The following SLC45A4 variants were observed in gnomAD, a reference collection of about 807,000 sequenced individuals.
SLC45A4 encodes polyamine-transporter SLC45A4.
In SLC45A4, 32 loss-of-function variants were observed where a neutral mutation model predicts 63.7. That is an observed-to-expected ratio of 0.50 (90% CI 0.38 to 0.67). The LOEUF is 0.67. Ranked by LOEUF, SLC45A4 falls within the 30% of genes least tolerant of loss-of-function variation. SLC45A4 has a pLI of 0.00. For synonymous variants in SLC45A4, 535 were observed against 510.0 expected (o/e 1.05, Z -0.66); for missense variants, 1,027 against 1,157.7 (o/e 0.89, Z 1.64).
chr8:141,229,954 C>A lies in SLC45A4; in HGVS notation c.242-8189G>T, dbSNP rs545484906. ...CAGCTCAGCGCTGGACACTAGATCC[C>A]TGCCTGCACTCCCGAGGCCGTGGTG... is the stretch of plus-strand genomic sequence containing the variant. On this transcript the variant is annotated intron_variant, in intron 2 of 8. Coordinates refer to ENST00000517878, the MANE Select transcript of SLC45A4 (RefSeq NM_001286646.2). The surrounding 1 kb of genome is among the most constrained non-coding windows in gnomAD (Gnocchi z 5.0). 55 of 423,528 alleles carry A rather than the reference C, an allele frequency of 1.3e-4. 1 individual carries two copies. Among genetic ancestry groups the A allele is most frequent in the South Asian group, 8.0e-4 (47 of 58,756 alleles). 26.2% of individuals were successfully genotyped at this position (423,528 alleles called of 1,614,324 possible).
At chr8:141,246,765 T>G (rs1043448763) in intron 2 of SLC45A4, among the ~76,000 whole-genome samples, 1 of 151,368 alleles carries the variant, frequency 6.6e-6, no homozygotes, top group East Asian at 1.9e-4. Flanking sequence ...TAATAAATGA[T>G]TTTATTAGGA....
At position 141,215,623 on chromosome 8, in the gene SLC45A4, C is replaced by T; in HGVS notation, c.1941+136G>A. Reference sequence around the variant, plus strand: ...GTGGCTCTGTGGGCTTTGGAAGGGGCCATCTCAGAACCGGAGAGGAAGGAG... The same window carrying T: ...GTGGCTCTGTGGGCTTTGGAAGGGGTCATCTCAGAACCGGAGAGGAAGGAG... On this transcript the variant is annotated intron_variant, in intron 7 of 8. Transcript: ENST00000517878. The surrounding 1 kb of genome is among the most constrained non-coding windows in gnomAD (Gnocchi z 4.3). 4 of 856,924 alleles carry T rather than the reference C, an allele frequency of 4.7e-6. No individual in the cohort carries two copies. The highest frequency in any genetic ancestry group is 1.6e-5 in the South Asian group (1 of 62,004). The allele number at this position is 856,924 out of a possible 1,614,324, so 53.1% of individuals were successfully genotyped here. A position where few individuals can be genotyped will look rare whatever the true frequency, so the allele number is the denominator to read the frequency against.
At chr8:141,276,369 C>A (rs563156374) in intron 1 of SLC45A4, among the ~76,000 whole-genome samples, 1 of 152,150 alleles carries the variant, frequency 6.6e-6, no homozygotes, top group Non-Finnish European at 1.5e-5. Context: ...CAGAGGTTTG[C>A]GATGCGAGCA....
intron 2 of SLC45A4, chr8:141,253,332 C>A (rs943858964): frequency 1.1e-5 from 2 of 175,154 alleles, no homozygotes. Flanking sequence ...CCCACCTGTG[C>A]GTCTGTGATT....
intron 1 of SLC45A4, among the ~76,000 whole-genome samples, chr8:141,283,790 C>A (rs576345459): frequency 6.6e-6 from 1 of 152,298 alleles, no homozygotes; most frequent in South Asian, 2.1e-4. Flanking sequence ...CCAGCTCCAC[C>A]CTGCTCCCTA....
Position 141,218,506 on chromosome 8 carries a change from C to A in SLC45A4, c.1134G>T (p.Leu378Phe). Residue 378 changes from leucine (L) to phenylalanine (F), a missense_variant, in exon 5 of 9, where the codon TTG becomes TTT. Coordinates refer to ENST00000517878, the MANE Select transcript of SLC45A4 (RefSeq NM_001286646.2). Reference sequence around the variant, plus strand: ...TTCCGTTTGGGACTTTAGCTTCATTCAAGTGATTATCCAGCAAGGTCTCGT... The same window carrying A: ...TTCCGTTTGGGACTTTAGCTTCATTAAAGTGATTATCCAGCAAGGTCTCGT... ...KEDETLLDNH[L>F]NEAKVPNGSG... 1 of 1,613,494 alleles carries A rather than the reference C, an allele frequency of 6.2e-7. No homozygotes were observed. The highest frequency in any genetic ancestry group is 8.5e-7 in the Non-Finnish European group (1 of 1,179,956).
chr8:141,296,055 G>C (rs1807666312), intron 1 of SLC45A4, among the ~76,000 whole-genome samples: 1 of 152,182 alleles, frequency 6.6e-6, no homozygotes, highest in African/African-American at 2.4e-5. Flanking sequence ...AAATTAGCAG[G>C]GCACAGTGGC....
At position 141,254,729 on chromosome 8, in the gene SLC45A4, G is replaced by T; in HGVS notation, c.-400-100C>A. On this transcript the variant is annotated intron_variant, in intron 1 of 8. Transcript: ENST00000517878. The surrounding 1 kb of genome is among the most constrained non-coding windows in gnomAD (Gnocchi z 4.5). ...CCCCCGAGCAAGCCGTGTGCCCCGA[G>T]GGCCCGACCCAAGATCACACAGCTC... 1.5e-6 allele frequency: 1 copy of T among 685,612 alleles called. No homozygotes were observed. The highest frequency in any genetic ancestry group is 2.0e-5 in the Admixed American group (1 of 49,342). The allele number at this position is 685,612 out of a possible 1,614,324, so 42.5% of individuals were successfully genotyped here.
chr8:141,217,885 G>T, intron 5 of SLC45A4, 126 bp downstream of exon 5: 1 of 1,194,192 alleles, frequency 8.4e-7, no homozygotes, highest in Non-Finnish European at 1.1e-6. Context: ...CTGCACGGGA[G>T]GCACTGTGTG....
chr8:141,282,797 G>A (rs1589849474), intron 1 of SLC45A4, among the ~76,000 whole-genome samples: 1 of 152,284 alleles, frequency 6.6e-6, no homozygotes, highest in South Asian at 2.1e-4. Context: ...GCAGCTGCAA[G>A]TCCGTGGGCC....
At chr8:141,303,302 T>TTG (rs1378070103) in intron 1 of SLC45A4, among the ~76,000 whole-genome samples, 4 of 133,364 alleles carry the variant, frequency 3.0e-5, no homozygotes, top group African/African-American at 1.1e-4. Context: ...CGGCTAATTT[T>TTG]TGTTTTTTTT....
At chr8:141,273,366 G>C (rs542689088) in intron 1 of SLC45A4, among the ~76,000 whole-genome samples, 2 of 152,168 alleles carry the variant, frequency 1.3e-5, no homozygotes, top group Non-Finnish European at 2.9e-5. Context: ...TCTAGCCTGC[G>C]CATCCCCTGA....
At chr8:141,212,141 C>CCCCCCCCGGGG in intron 8 of SLC45A4, 56 bp downstream of exon 8, 2 of 1,109,168 alleles carry the variant, frequency 1.8e-6, no homozygotes, top group Non-Finnish European at 2.2e-6. Context: ...CCCCGCCGCC[C>CCCCCCCCGGGG]GCCCGCCCGC....
chr8:141,305,436 C>T (rs1342905540), intron 1 of SLC45A4, among the ~76,000 whole-genome samples: 4 of 152,214 alleles, frequency 2.6e-5, no homozygotes, highest in Admixed American at 1.3e-4. Context: ...AGTGCGCCTT[C>T]GTCAGCATAA....
At chr8:141,225,932 G>C (rs1826958983) in intron 2 of SLC45A4, 1 of 153,398 alleles carries the variant, frequency 6.5e-6, no homozygotes, top group South Asian at 2.0e-4. Flanking sequence ...TGCGGCCCCG[G>C]CCCTGGTCTC....
At chr8:141,274,772 AT>A (rs930781456) in intron 1 of SLC45A4, among the ~76,000 whole-genome samples, 1 of 152,214 alleles carries the variant, frequency 6.6e-6, no homozygotes, top group African/African-American at 2.4e-5. Context: ...ATGACATGGC[AT>A]GGCTGAGCCA....
chr8:141,293,147 AG>A, intron 1 of SLC45A4, among the ~76,000 whole-genome samples: 1 of 152,204 alleles, frequency 6.6e-6, no homozygotes, highest in Non-Finnish European at 1.5e-5. Context: ...TGCTTCCTCA[AG>A]CCCACAAAGT....
chr8:141,229,960 GCACTC>G lies in SLC45A4; in HGVS notation c.242-8200_242-8196del. 2.3e-6 allele frequency: 1 copy of G among 427,818 alleles called. No homozygotes were observed. The highest frequency in any genetic ancestry group is 4.7e-6 in the Non-Finnish European group (1 of 212,214). The allele number at this position is 427,818 out of a possible 1,614,324, so 26.5% of individuals were successfully genotyped here. A position where few individuals can be genotyped will look rare whatever the true frequency, so the allele number is the denominator to read the frequency against. ...AGCGCTGGACACTAGATCCCTGCCTGCACTCCCGAGGCCGTGGTGCTCTGATGACA... is the reference window on the plus strand; with the variant it reads ...AGCGCTGGACACTAGATCCCTGCCTGCCGAGGCCGTGGTGCTCTGATGACA... On this transcript the variant is annotated intron_variant, in intron 2 of 8. Transcript: ENST00000517878. The surrounding 1 kb of genome is among the most constrained non-coding windows in gnomAD (Gnocchi z 5.0).
chr8:141,217,332 C>A, intron 5 of SLC45A4, 143 bp from the exon 6 acceptor site: 1 of 801,352 alleles, frequency 1.2e-6, no homozygotes. Context: ...AGAGCCCAGC[C>A]CAAGTCGGTT....
Sources: gnomAD v4.1 joint callset for allele counts (sites outside exome capture counted in the v4.1 genomes callset) on GRCh38, gnomAD v4.1.1 for gene constraint, Gnocchi (gnomAD v3.1) non-coding constraint, MANE v1.5 for transcripts, NCBI Gene and HGNC (gene_info 2026-07-23, HGNC 2026-07-21) for gene names.